Variants in ZNF846 observed in about 807,000 individuals in gnomAD.
ZNF846 encodes the protein zinc finger protein 420 pseudogene.
Under a neutral mutation model 16.0 loss-of-function variants are expected in ZNF846, and 15 were observed. That is an observed-to-expected ratio of 0.94 (90% CI 0.63 to 1.45). The LOEUF (loss-of-function observed/expected upper bound fraction) is 1.45, where lower values mean the gene tolerates loss of function less well. Among genes scored for constraint, ZNF846 ranks in the 40% most tolerant of loss-of-function variants. The pLI is 0.00. For synonymous variants in ZNF846, 229 were observed against 212.0 expected, an observed-to-expected ratio of 1.08 and a Z score of -0.70; for missense variants, 714 against 622.3, an observed-to-expected ratio of 1.15 and a Z score of -1.57.
intron 1 of ZNF846, among the ~76,000 whole-genome samples, chr19:9,779,864 C>A (rs1208063214): frequency 6.6e-6 from 1 of 151,338 alleles, no homozygotes; most frequent in Non-Finnish European, 1.5e-5. Flanking sequence ...TGAGTCACCA[C>A]GCCCGGCCAT....
chr19:9,757,913 A>G (rs774903532), exon 6 of ZNF846: 1 of 1,613,102 alleles, frequency 6.2e-7, no homozygotes, highest in African/African-American at 1.3e-5. Flanking sequence ...TTTCTCCAGT[A>G]TGTGTTCTCA....
intron 1 of ZNF846, among the ~76,000 whole-genome samples, chr19:9,773,676 G>A (rs2045408339): frequency 6.6e-6 from 1 of 152,118 alleles, no homozygotes; most frequent in Non-Finnish European, 1.5e-5. Context: ...CAACTACTCA[G>A]GAGGCTGAGG....
Position 9,763,035 on chromosome 19 carries a change from C to T in ZNF846, c.142+247G>A, listed in dbSNP as rs377259029. ...GGTGCACACCTGTAATCCCAGCTAC[C>T]TGGGAGGCTGAGGCAGGAGAATCAC... is the stretch of plus-strand genomic sequence containing the variant. On this transcript the variant is annotated intron_variant, in intron 3 of 5. Coordinates refer to ENST00000397902, the Ensembl canonical transcript of ZNF846. Among the ~76,000 whole-genome samples, 6 of 151,942 alleles carry T rather than the reference C, an allele frequency of 3.9e-5. No homozygotes were observed. The East Asian group carries it at 1.2e-3, about 29-fold the overall frequency.
At chr19:9,756,824 A>G (rs2045141343), downstream of ZNF846, 1 of 151,812 alleles carries the variant, frequency 6.6e-6, no homozygotes, top group Non-Finnish European at 1.5e-5. Flanking sequence ...ATGAAGTACT[A>G]TGAAGGTTTG....
At chr19:9,764,793 T>C in intron 2 of ZNF846, 143 bp downstream of exon 2, 2 of 975,648 alleles carry the variant, frequency 2.0e-6, no homozygotes, top group Non-Finnish European at 1.6e-6. Context: ...GATGGCTTGG[T>C]TCCTAGAGAA....
At chr19:9,774,247 T>A (rs2045414150) in intron 1 of ZNF846, among the ~76,000 whole-genome samples, 1 of 151,992 alleles carries the variant, frequency 6.6e-6, no homozygotes, top group African/African-American at 2.4e-5. Context: ...GGCAGGAGGA[T>A]CAGGAGGTCA....
At chr19:9,756,108 G>A (rs975876441), downstream of ZNF846, 4 of 148,992 alleles carry the variant, frequency 2.7e-5, no homozygotes, top group African/African-American at 1.0e-4. Flanking sequence ...CTAAAGTGCT[G>A]GGATTACAAG....
chr19:9,781,540 C>T (rs1047843075), intron 1 of ZNF846, among the ~76,000 whole-genome samples: 22 of 152,088 alleles, frequency 1.4e-4, no homozygotes, highest in Admixed American at 1.4e-3. Flanking sequence ...ATCTTTCATG[C>T]TGTCTGATGA....
intron 1 of ZNF846, among the ~76,000 whole-genome samples, chr19:9,775,581 A>C (rs1480187113): frequency 1.3e-5 from 2 of 152,248 alleles, no homozygotes. Context: ...AATTACATGG[A>C]TAACTCACAC....
intron 4 of ZNF846, 124 bp downstream of exon 4, chr19:9,761,958 G>A: frequency 1.4e-6 from 1 of 699,178 alleles, no homozygotes; most frequent in South Asian, 1.9e-5. Flanking sequence ...AAACCAAATG[G>A]CCTCAGCCTT....
At chr19:9,759,074 C>T (rs1287469901) in intron 5 of ZNF846, among the ~76,000 whole-genome samples, 1 of 151,762 alleles carries the variant, frequency 6.6e-6, no homozygotes, top group Non-Finnish European at 1.5e-5. Context: ...TCTTGACTCA[C>T]AGCAATCTCT....
chr19:9,765,013 G>T lies in ZNF846; in HGVS notation c.-63C>A. On this transcript the variant is annotated 5_prime_UTR_variant, in exon 2 of 6. The change creates a new upstream start codon in the 5' untranslated region. Coordinates refer to ENST00000397902, the Ensembl canonical transcript of ZNF846. ...TCTCGATGTTCCTGTCATGAAGACA[G>T]AAAGTGTCCTGGAAAAAATGACCTT... The T allele has an allele frequency of 6.3e-7, 1 of 1,583,544 alleles. No homozygotes were observed. Among genetic ancestry groups the T allele is most frequent in the Non-Finnish European group, 8.7e-7 (1 of 1,152,366 alleles).
rs1464442870 is a variant in ZNF846, at chr19:9,758,221, CTT to C, written c.854_855del (p.Lys285ArgfsTer14). The C allele has an allele frequency of 1.9e-6, 3 of 1,613,118 alleles. No individual in the cohort carries two copies. Among genetic ancestry groups the C allele is most frequent in the Non-Finnish European group, 1.7e-6 (2 of 1,179,992 alleles). On this transcript the variant is annotated frameshift_variant, in exon 6 of 6. Transcript: ENST00000397902. LOFTEE classifies it low-confidence loss of function (END_TRUNC). ...GAATGGGTGAAGGCTTTCCCACACT[CTT>C]TACATTTATATGGTTTTTCTCCACT...
exon 6 of ZNF846, chr19:9,758,165 G>A: frequency 1.2e-6 from 2 of 1,613,402 alleles, no homozygotes; most frequent in South Asian, 1.1e-5. Context: ...TCTTTCCACT[G>A]TGGATTCTTG....
At chr19:9,782,593 C>G (rs1467826636) in intron 1 of ZNF846, among the ~76,000 whole-genome samples, 1 of 152,120 alleles carries the variant, frequency 6.6e-6, no homozygotes, top group African/African-American at 2.4e-5. Context: ...TCCCTTTCCA[C>G]CTAGATGTAC....
downstream of ZNF846, chr19:9,757,353 T>G: frequency 7.8e-6 from 6 of 770,308 alleles, no homozygotes; most frequent in South Asian, 1.1e-4. Flanking sequence ...CTTGTGTCCA[T>G]GTTAAATTCA....
In ZNF846 at chr19:9,757,951, TA is replaced by T; in HGVS notation, c.1125del (p.Phe375LeufsTer11). 6.2e-7 allele frequency: 1 copy of T among 1,613,580 alleles called. No individual in the cohort carries two copies. The highest frequency in any genetic ancestry group is 8.5e-7 in the Non-Finnish European group (1 of 1,180,008). ...TGTAAAACAAGTCCTGAGGAACGAG[TA>T]AAAGCTTTCCCACATGCCTTACATA... On this transcript the variant is annotated frameshift_variant, in exon 6 of 6. Transcript: ENST00000397902. LOFTEE classifies it low-confidence loss of function (END_TRUNC).
At chr19:9,771,041 C>A (rs1227438297), upstream of ZNF846, among the ~76,000 whole-genome samples, 6 of 151,932 alleles carry the variant, frequency 3.9e-5, no homozygotes, top group African/African-American at 1.2e-4. Context: ...GTGGTGATTT[C>A]TGGGATTTTG....
chr19:9,760,229 G>T (rs967131413), intron 4 of ZNF846, among the ~76,000 whole-genome samples: 3 of 151,042 alleles, frequency 2.0e-5, no homozygotes, highest in African/African-American at 7.4e-5. Context: ...GAGGGTGGAG[G>T]TTGCGGTGAG....
Sources: gnomAD v4.1 joint callset for allele counts (sites outside exome capture counted in the v4.1 genomes callset) on GRCh38, gnomAD v4.1.1 for gene constraint, MANE v1.5 for transcripts, NCBI Gene and HGNC (gene_info 2026-07-23, HGNC 2026-07-21) for gene names.